SSBP3: variants seen among roughly 807,000 people sequenced by gnomAD.
SSBP3 encodes single-stranded DNA-binding protein 3.
In SSBP3, 5 loss-of-function variants were observed where a neutral mutation model predicts 69.6. That is an observed-to-expected ratio of 0.07 (90% CI 0.04 to 0.15). The LOEUF (loss-of-function observed/expected upper bound fraction) is 0.15. Among genes scored for constraint, SSBP3 ranks in the 10% least tolerant of loss-of-function variants. The pLI, the probability that SSBP3 is intolerant of heterozygous loss-of-function variation, is 1.00. For synonymous variants in SSBP3, 196 were observed against 193.4 expected (o/e 1.01, Z -0.11); for missense variants, 312 against 534.0 (o/e 0.58, Z 4.10).
intron 4 of SSBP3, among the ~76,000 whole-genome samples, chr1:54,342,266 C>T (rs1646622300): frequency 6.6e-6 from 1 of 152,226 alleles, no homozygotes; most frequent in African/African-American, 2.4e-5. Context: ...CCACTCCTGC[C>T]CCCACGCCCA....
intron 4 of SSBP3, among the ~76,000 whole-genome samples, chr1:54,359,074 G>C (rs1367416905): frequency 6.6e-6 from 1 of 152,108 alleles, no homozygotes; most frequent in Non-Finnish European, 1.5e-5. Context: ...AAGAACATTG[G>C]CAAACCAGAA....
At chr1:54,302,123 C>T (rs550766373) in intron 4 of SSBP3, among the ~76,000 whole-genome samples, 1 of 152,350 alleles carries the variant, frequency 6.6e-6, no homozygotes, top group East Asian at 1.9e-4. Context: ...CCCATGTGCG[C>T]AAGGACACCT....
intron 4 of SSBP3, among the ~76,000 whole-genome samples, chr1:54,321,500 C>T (rs1455210121): frequency 3.9e-5 from 6 of 152,250 alleles, no homozygotes; most frequent in African/African-American, 1.2e-4. Context: ...ATTCCACAAA[C>T]GCAACAAAGG....
At chr1:54,274,397 A>G (rs1645248368) in intron 5 of SSBP3, among the ~76,000 whole-genome samples, 1 of 150,586 alleles carries the variant, frequency 6.6e-6, no homozygotes, top group Non-Finnish European at 1.5e-5. Context: ...AACTATTAAC[A>G]TAAGAGGGTG....
intron 4 of SSBP3, among the ~76,000 whole-genome samples, chr1:54,381,950 T>C (rs986630893): frequency 1.3e-5 from 2 of 152,204 alleles, no homozygotes; most frequent in African/African-American, 4.8e-5. Flanking sequence ...TCCAAGCACT[T>C]TGGGAGGCCG....
intron 4 of SSBP3, among the ~76,000 whole-genome samples, chr1:54,346,412 T>G (rs750671576): frequency 6.6e-6 from 1 of 152,148 alleles, no homozygotes; most frequent in Non-Finnish European, 1.5e-5. Flanking sequence ...ATTTGAATTT[T>G]GATTTGGGGC....
chr1:54,390,854 A>G (rs941393292), intron 4 of SSBP3, among the ~76,000 whole-genome samples: 4 of 152,200 alleles, frequency 2.6e-5, no homozygotes, highest in South Asian at 4.1e-4. Flanking sequence ...CAAGAGGAAG[A>G]GCCTCCAGAG....
At chr1:54,274,061 C>T (rs1184260310) in intron 5 of SSBP3, among the ~76,000 whole-genome samples, 5 of 152,192 alleles carry the variant, frequency 3.3e-5, no homozygotes, top group African/African-American at 1.2e-4. Flanking sequence ...TGAACACATC[C>T]ACCCCTGACA....
rs1221999505 is a variant in SSBP3 at position 54,258,027 on chromosome 1, GCCCCGCGT to G, written c.447+34_447+41del. ...TCTGCGGGCTCTCTGCTTCCTCCGC[GCCCCGCGT>G]CCCCGGCGGGCGGGAGCGCCACGGT... On this transcript the variant is annotated intron_variant, in intron 6 of 17. Transcript: ENST00000610401. The surrounding 1 kb of genome is among the most constrained non-coding windows in gnomAD (Gnocchi z 4.5). 7.1e-6 allele frequency: 11 copies of G among 1,546,804 alleles called. No homozygotes were observed. The highest frequency in any genetic ancestry group is 9.6e-6 in the Non-Finnish European group (11 of 1,142,780).
At chr1:54,327,616 G>T (rs1488214676) in intron 4 of SSBP3, among the ~76,000 whole-genome samples, 1 of 152,070 alleles carries the variant, frequency 6.6e-6, no homozygotes, top group African/African-American at 2.4e-5. Context: ...CTGCTGCTGG[G>T]GACTCGGTAG....
chr1:54,300,097 C>T (rs925915960), intron 4 of SSBP3, among the ~76,000 whole-genome samples: 2 of 152,060 alleles, frequency 1.3e-5, no homozygotes, highest in African/African-American at 2.4e-5. Context: ...AATGGAAGGC[C>T]GAGAGAGGGT....
At chr1:54,260,281 G>A (rs1198053324) in intron 5 of SSBP3, among the ~76,000 whole-genome samples, 7 of 152,200 alleles carry the variant, frequency 4.6e-5, no homozygotes, top group African/African-American at 1.2e-4. Context: ...TTGGTTCCTC[G>A]GCTCTTGGCA....
intron 4 of SSBP3, among the ~76,000 whole-genome samples, chr1:54,343,362 G>C (rs1646640504): frequency 6.6e-6 from 1 of 152,236 alleles, no homozygotes; most frequent in Non-Finnish European, 1.5e-5. Context: ...AGGGGTGGTA[G>C]TACCTTCCCC....
chr1:54,240,045 GGGGTGTGTGTGTGT>G (rs1216977180), intron 13 of SSBP3, among the ~76,000 whole-genome samples: 6,131 of 65,416 alleles, frequency 0.094, 224 homozygotes, highest in Non-Finnish European at 0.12. Flanking sequence ...TAATTGTGAT[GGGGTGTGTGTGTGT>G]GTGTGTGTGT....
At chr1:54,400,637 C>T (rs538620505) in intron 4 of SSBP3, among the ~76,000 whole-genome samples, 15 of 152,230 alleles carry the variant, frequency 9.9e-5, no homozygotes, top group Admixed American at 9.8e-4. Context: ...ATTTCCTCAG[C>T]GTTACATTCC....
chr1:54,409,650 CTG>C (rs1346721209), upstream of SSBP3, among the ~76,000 whole-genome samples: 1 of 152,214 alleles, frequency 6.6e-6, no homozygotes, highest in Non-Finnish European at 1.5e-5. Context: ...ACCTGGAACT[CTG>C]TACTTTCAGT....
chr1:54,277,877 C>T (rs1645319186), intron 5 of SSBP3, among the ~76,000 whole-genome samples: 1 of 152,088 alleles, frequency 6.6e-6, no homozygotes, highest in South Asian at 2.1e-4. Context: ...GTGAGGCTGG[C>T]CAAAGCCAAG....
chr1:54,263,422 A>G (rs572544880), intron 5 of SSBP3, among the ~76,000 whole-genome samples: 107 of 152,230 alleles, frequency 7.0e-4, no homozygotes, highest in African/African-American at 2.6e-3. Context: ...CAGTTTCCCA[A>G]CGGCTCTGAG....
chr1:54,401,954 A>C lies in SSBP3; in HGVS notation c.192-9T>G, dbSNP rs1649334171. 6.2e-7 allele frequency: 1 copy of C among 1,612,376 alleles called. No homozygotes were observed. On this transcript the variant is annotated splice_polypyrimidine_tract_variant and intron_variant, in intron 3 of 17. Coordinates refer to ENST00000610401, the Ensembl canonical transcript of SSBP3. The stretch of plus-strand genomic sequence containing the variant: ...AAAGGTCCCAAAATACACTGCGAGG[A>C]GGAAAATAAAATAAGGTCAGGTTAC...
Sources: allele counts gnomAD v4.1 joint callset (sites outside exome capture counted in the v4.1 genomes callset), GRCh38; gene constraint gnomAD v4.1.1; non-coding constraint Gnocchi (gnomAD v3.1); transcripts MANE v1.5; gene names NCBI Gene and HGNC (gene_info 2026-07-23, HGNC 2026-07-21).